The following ANKRD6 variants were observed in gnomAD, a reference collection of about 807,000 sequenced individuals.
ANKRD6 encodes the protein ankyrin repeat domain-containing protein 6.
ANKRD6 carries 56 observed loss-of-function variants against 82.3 expected under a neutral mutation model. That is an observed-to-expected ratio of 0.68 (90% CI 0.55 to 0.85). The LOEUF (loss-of-function observed/expected upper bound fraction) is 0.85. Ranked by LOEUF, ANKRD6 falls within the 40% of genes least tolerant of loss-of-function variation. ANKRD6 has a pLI of 0.00. For synonymous variants in ANKRD6, 347 were observed against 352.1 expected (o/e 0.99, Z 0.16); for missense variants, 852 against 907.6 (o/e 0.94, Z 0.79).
chr6:89,448,208 G>A (rs906735391), intron 1 of ANKRD6, among the ~76,000 whole-genome samples: 4 of 152,066 alleles, frequency 2.6e-5, no homozygotes, highest in Non-Finnish European at 5.9e-5. Flanking sequence ...ACCAAGTCAG[G>A]AAGATTGCTT....
chr6:89,473,101 C>T lies in ANKRD6; in HGVS notation c.-144+39726C>T, dbSNP rs551405239. Reference sequence around the variant, plus strand: ...CTGTAGGTCTAGAGAATTTATTTAACAGCATATTGTTTCATTAAAAAAAAT... The same window carrying T: ...CTGTAGGTCTAGAGAATTTATTTAATAGCATATTGTTTCATTAAAAAAAAT... On this transcript the variant is annotated intron_variant, in intron 1 of 15. Transcript: ENST00000339746. 3.7e-4 allele frequency among the ~76,000 whole-genome samples: 56 copies of T among 152,086 alleles called. No homozygotes were observed. The South Asian group carries it at 1.0e-2, about 27-fold the overall frequency.
At chr6:89,573,747 C>T (rs780974078) in intron 2 of ANKRD6, among the ~76,000 whole-genome samples, 3 of 152,182 alleles carry the variant, frequency 2.0e-5, no homozygotes, top group East Asian at 1.9e-4. Flanking sequence ...GAACTTCAAA[C>T]GCAGTGCCTC....
At chr6:89,604,530 CTT>C (rs912984870) in intron 4 of ANKRD6, among the ~76,000 whole-genome samples, 7 of 151,232 alleles carry the variant, frequency 4.6e-5, no homozygotes, top group African/African-American at 1.7e-4. Flanking sequence ...TTAAAAATAA[CTT>C]TTCATTAAAG....
At chr6:89,553,563 C>T (rs989771373) in intron 1 of ANKRD6, among the ~76,000 whole-genome samples, 47 of 152,234 alleles carry the variant, frequency 3.1e-4, no homozygotes, top group African/African-American at 1.1e-3. Flanking sequence ...TTTAATTCCC[C>T]GCTAGCAGAG....
At chr6:89,559,053 A>G (rs954817416) in intron 1 of ANKRD6, among the ~76,000 whole-genome samples, 4 of 152,236 alleles carry the variant, frequency 2.6e-5, no homozygotes, top group African/African-American at 7.2e-5. Context: ...TGTTACAAGT[A>G]GAACAAAAAT....
At chr6:89,570,704 T>C (rs532909051) in intron 2 of ANKRD6, among the ~76,000 whole-genome samples, 1 of 152,366 alleles carries the variant, frequency 6.6e-6, no homozygotes, top group African/African-American at 2.4e-5. Context: ...GATTCACTCA[T>C]GTAGCATGTA....
chr6:89,492,843 C>T (rs1297059033), intron 1 of ANKRD6, among the ~76,000 whole-genome samples: 1 of 151,940 alleles, frequency 6.6e-6, no homozygotes, highest in Non-Finnish European at 1.5e-5. Flanking sequence ...CATTTTGGGA[C>T]CTAATTAAAT....
chr6:89,491,382 C>A (rs942359507), intron 1 of ANKRD6, among the ~76,000 whole-genome samples: 3 of 152,142 alleles, frequency 2.0e-5, no homozygotes, highest in African/African-American at 4.8e-5. Context: ...CCCCCACAAC[C>A]CCTGCCCTTT....
At chr6:89,611,721 A>G (rs1800299787) in intron 5 of ANKRD6, among the ~76,000 whole-genome samples, 1 of 152,274 alleles carries the variant, frequency 6.6e-6, no homozygotes, top group East Asian at 1.9e-4. Flanking sequence ...TTCAAGAAAA[A>G]TACAAGAATG....
chr6:89,438,181 G>A (rs778798850), intron 1 of ANKRD6, among the ~76,000 whole-genome samples: 20 of 152,288 alleles, frequency 1.3e-4, no homozygotes, highest in Middle Eastern at 6.8e-3. Flanking sequence ...TGTAAGGTAG[G>A]CTAACTGCTG....
At chr6:89,618,091 T>G in intron 9 of ANKRD6, 60 bp downstream of exon 9, 10 of 1,569,604 alleles carry the variant, frequency 6.4e-6, no homozygotes, top group Non-Finnish European at 8.8e-6. Context: ...TTGTTGGGAC[T>G]CCTGGTTGCA....
intron 1 of ANKRD6, among the ~76,000 whole-genome samples, chr6:89,486,526 C>T (rs563880934): frequency 4.3e-4 from 65 of 152,120 alleles, no homozygotes; most frequent in African/African-American, 1.4e-3. Flanking sequence ...ATACCATAGA[C>T]GGGTGGCTTA....
intron 13 of ANKRD6, among the ~76,000 whole-genome samples, chr6:89,625,611 T>G (rs1232179015): frequency 1.3e-5 from 2 of 152,190 alleles, no homozygotes; most frequent in African/African-American, 4.8e-5. Context: ...TCTCTAAATA[T>G]TTCAGAATGT....
intron 1 of ANKRD6, among the ~76,000 whole-genome samples, chr6:89,529,771 G>C (rs142719005): frequency 6.6e-6 from 1 of 152,242 alleles, no homozygotes; most frequent in African/African-American, 2.4e-5. Context: ...TTGTGTCTCA[G>C]CAAATAGGGA....
rs926915572 is a variant in ANKRD6, at chr6:89,621,929, G to A, written c.800G>A (p.Arg267His). 12 of 1,613,842 alleles carry A rather than the reference G, an allele frequency of 7.4e-6. No individual in the cohort carries two copies. Among genetic ancestry groups the A allele is most frequent in the African/African-American group, 2.7e-5 (2 of 74,920 alleles). ...LLLTKAPQVL[R>H]FSRGRSLRKK... Reference sequence around the variant, plus strand: ...GCCGTTTGCCTCCTTCAGGTCTTGCGCTTCAGTCGTGGGCGAAGCCTGAGG... The same window carrying A: ...GCCGTTTGCCTCCTTCAGGTCTTGCACTTCAGTCGTGGGCGAAGCCTGAGG... The change falls in exon 10 of 16, where the codon CGC (arginine) becomes CAC (histidine). Residue 267 changes from arginine to histidine, a missense_variant. Transcript: ENST00000339746.
intron 1 of ANKRD6, among the ~76,000 whole-genome samples, chr6:89,434,954 G>A (rs1225817291): frequency 6.6e-6 from 1 of 152,122 alleles, no homozygotes; most frequent in African/African-American, 2.4e-5. Flanking sequence ...CGCAGTGTTG[G>A]GAGGTATAAA....
intron 1 of ANKRD6, among the ~76,000 whole-genome samples, chr6:89,537,879 C>CAAAAAAAAAAAAAAAAAAA (rs55864526): frequency 1.8e-5 from 2 of 110,812 alleles, no homozygotes; most frequent in African/African-American, 3.6e-5. Context: ...GACAATGTCT[C>CAAAAAAAAAAAAAAAAAAA]AAAAAAAAAA....
At chr6:89,514,960 A>G (rs1335227175) in intron 1 of ANKRD6, among the ~76,000 whole-genome samples, 2 of 152,126 alleles carry the variant, frequency 1.3e-5, no homozygotes, top group Non-Finnish European at 2.9e-5. Context: ...GCACCTTTCC[A>G]TATGCTTATT....
chr6:89,513,250 A>G (rs1780776260), intron 1 of ANKRD6, among the ~76,000 whole-genome samples: 1 of 152,182 alleles, frequency 6.6e-6, no homozygotes. Context: ...TATATACCAA[A>G]TGAAAAGTGC....
Sources: allele counts gnomAD v4.1 joint callset (sites outside exome capture counted in the v4.1 genomes callset), GRCh38; gene constraint gnomAD v4.1.1; transcripts MANE v1.5; gene names NCBI Gene and HGNC (gene_info 2026-07-23, HGNC 2026-07-21).